Variants in ZAP70 observed in about 807,000 individuals in gnomAD.
ZAP70 encodes zeta chain of T cell receptor associated protein kinase 70.
A neutral mutation model predicts 65.8 loss-of-function variants in ZAP70; 27 were observed. That is an observed-to-expected ratio of 0.41 (90% CI 0.30 to 0.57). ZAP70 has a LOEUF of 0.57. Ranked by LOEUF, ZAP70 falls within the 20% of genes least tolerant of loss-of-function variation. The pLI, the probability that ZAP70 is intolerant of heterozygous loss-of-function variation, is 0.28. For synonymous variants in ZAP70, 363 were observed against 360.8 expected, an observed-to-expected ratio of 1.01 and a Z score of -0.07; for missense variants, 696 against 870.5, an observed-to-expected ratio of 0.80 and a Z score of 2.52.
At chr2:97,722,911 G>C (rs1677216259) in intron 2 of ZAP70, among the ~76,000 whole-genome samples, 1 of 152,146 alleles carries the variant, frequency 6.6e-6, no homozygotes, top group Admixed American at 6.5e-5. Flanking sequence ...CGTTACCTAG[G>C]GTTCAATATT....
At chr2:97,742,671 T>C (rs1180261804), downstream of ZAP70, among the ~76,000 whole-genome samples, 1 of 152,250 alleles carries the variant, frequency 6.6e-6, no homozygotes, top group African/African-American at 2.4e-5. Flanking sequence ...TAGAGGGCTG[T>C]GAAGCCCCAG....
At chr2:97,728,902 A>G (rs190572752) in intron 4 of ZAP70, among the ~76,000 whole-genome samples, 50 of 152,264 alleles carry the variant, frequency 3.3e-4, no homozygotes, top group African/African-American at 1.0e-3. Flanking sequence ...ATAGGCGTGC[A>G]CCACCACGCT....
chr2:97,713,666 G>A lies in ZAP70; in HGVS notation c.-109G>A, dbSNP rs758723282. ...CCGTGGGCCTCAGAGCTGCTGCTGGGGCATTCAGGTAAGCGGCTGTCCTCG... is the reference window on the plus strand; with the variant it reads ...CCGTGGGCCTCAGAGCTGCTGCTGGAGCATTCAGGTAAGCGGCTGTCCTCG... On this transcript the variant is annotated 5_prime_UTR_variant, in exon 1 of 14. Coordinates refer to ENST00000264972, the MANE Select transcript of ZAP70 (RefSeq NM_001079.4). 6.6e-6 allele frequency: 1 copy of A among 152,380 alleles called. No individual in the cohort carries two copies. The highest frequency in any genetic ancestry group is 2.4e-5 in the African/African-American group (1 of 41,464). 9.4% of individuals were successfully genotyped at this position (152,380 alleles called of 1,614,324 possible). A position where few individuals can be genotyped will look rare whatever the true frequency, so the allele number is the denominator to read the frequency against.
chr2:97,714,910 G>A (rs1158234919), intron 2 of ZAP70, among the ~76,000 whole-genome samples: 1 of 152,124 alleles, frequency 6.6e-6, no homozygotes, highest in Non-Finnish European at 1.5e-5. Flanking sequence ...GAGCCTGGGG[G>A]CCTGGCTTCA....
intron 4 of ZAP70, among the ~76,000 whole-genome samples, chr2:97,725,849 A>C (rs1307692649): frequency 6.6e-6 from 1 of 152,182 alleles, no homozygotes; most frequent in African/African-American, 2.4e-5. Flanking sequence ...TGGAAAATGC[A>C]ATGGCAAGTG....
intron 2 of ZAP70, 43 bp from the exon 3 acceptor site, chr2:97,723,973 C>A: frequency 6.5e-7 from 1 of 1,531,602 alleles, no homozygotes; most frequent in African/African-American, 1.4e-5. Flanking sequence ...GCACCAGGTT[C>A]AGGAAGGCCC....
intron 13 of ZAP70, 175 bp downstream of exon 13, chr2:97,738,282 G>A: frequency 1.5e-6 from 1 of 689,492 alleles, no homozygotes; most frequent in Non-Finnish European, 2.5e-6. Flanking sequence ...ACACACCAGG[G>A]TTTGCTGTCC....
Position 97,725,158 on chromosome 2 carries a change from G to T in ZAP70, c.469G>T (p.Ala157Ser). 1 of 1,614,192 alleles carries T rather than the reference G, an allele frequency of 6.2e-7. No homozygotes were observed. Among genetic ancestry groups the T allele is most frequent in the Non-Finnish European group, 8.5e-7 (1 of 1,180,034 alleles). ...GGTGGAGAAGCTCATTGCTACGACG[G>T]CCCACGAGCGGATGCCCTGGTACCA... Reference protein sequence around the residue: ...PQVEKLIATTAHERMPWYHSS... With the variant: ...PQVEKLIATTSHERMPWYHSS... The change falls in exon 4 of 14, where the codon GCC becomes TCC. Residue 157 changes from alanine to serine, a missense_variant. Ala to Ser is a moderately conservative substitution (Grantham distance 99). This residue lies in a region of ZAP70 where 551 missense variants were observed against 630.0 expected (regional missense o/e 0.87). Coordinates refer to ENST00000264972, the MANE Select transcript of ZAP70 (RefSeq NM_001079.4).
At chr2:97,717,352 C>T (rs112641151) in intron 2 of ZAP70, among the ~76,000 whole-genome samples, 76 of 137,930 alleles carry the variant, frequency 5.5e-4, no homozygotes, top group African/African-American at 1.9e-3. Flanking sequence ...GGGGGACATG[C>T]GGAGCCTCTG....
chr2:97,754,264 G>A, the ZAP70 span, among the ~76,000 whole-genome samples: 13 of 152,198 alleles, frequency 8.5e-5, no homozygotes, highest in South Asian at 2.1e-4. Flanking sequence ...GCCTGCTGGC[G>A]AGGCTCATGG....
the ZAP70 span, among the ~76,000 whole-genome samples, chr2:97,750,789 T>A: frequency 1.3e-5 from 2 of 152,228 alleles, no homozygotes; most frequent in African/African-American, 2.4e-5. Context: ...GACCTGTCCC[T>A]TTGCTGGCTA....
intron 2 of ZAP70, among the ~76,000 whole-genome samples, chr2:97,714,582 C>T (rs539266312): frequency 3.3e-5 from 5 of 152,210 alleles, no homozygotes; most frequent in Admixed American, 2.0e-4. Context: ...ACCTGGCAGG[C>T]GCCTGGTTCC....
the ZAP70 span, among the ~76,000 whole-genome samples, chr2:97,754,895 G>A: frequency 1.3e-5 from 2 of 152,214 alleles, no homozygotes; most frequent in African/African-American, 2.4e-5. Context: ...CATAGCTCTG[G>A]TTGCACAGGA....
the ZAP70 span, among the ~76,000 whole-genome samples, chr2:97,746,926 ATTTC>A: frequency 1.3e-5 from 2 of 152,234 alleles, no homozygotes; most frequent in African/African-American, 4.8e-5. Flanking sequence ...TTGAACAAAC[ATTTC>A]TTTAAGACAT....
chr2:97,734,363 G>A, intron 8 of ZAP70, 157 bp from the exon 9 acceptor site: 2 of 1,439,332 alleles, frequency 1.4e-6, no homozygotes, highest in African/African-American at 1.4e-5. Context: ...GCCAGTGTGT[G>A]CGTGTGGATG....
At chr2:97,718,197 G>A (rs1434255284) in intron 2 of ZAP70, among the ~76,000 whole-genome samples, 1 of 152,170 alleles carries the variant, frequency 6.6e-6, no homozygotes, top group Non-Finnish European at 1.5e-5. Flanking sequence ...CATGGTGGGT[G>A]TGTCTTCTGG....
chr2:97,748,848 T>G, the ZAP70 span, among the ~76,000 whole-genome samples: 4 of 152,074 alleles, frequency 2.6e-5, no homozygotes, highest in East Asian at 5.8e-4. Context: ...CCCATAACAT[T>G]GCTCCTGAAA....
rs956203957 is a variant in ZAP70, at chr2:97,715,979, G to T, written c.-22+1985G>T. 5.3e-5 allele frequency among the ~76,000 whole-genome samples: 8 copies of T among 152,202 alleles called. No individual in the cohort carries two copies. Among genetic ancestry groups the T allele is most frequent in the Middle Eastern group, 3.2e-3 (1 of 316 alleles). On this transcript the variant is annotated intron_variant, in intron 2 of 13. Coordinates refer to ENST00000264972, the MANE Select transcript of ZAP70 (RefSeq NM_001079.4). This position sits in a 1 kb window ranked among gnomAD's most constrained non-coding sequence, Gnocchi z 4.1. ...GCTCAGCCTGGTGAGGGACTGAGGA[G>T]CAGAGACAGAGGCCATCAGGGCTGT...
At chr2:97,741,395 C>T (rs533025778), downstream of ZAP70, among the ~76,000 whole-genome samples, 200 of 152,296 alleles carry the variant, frequency 1.3e-3, no homozygotes, top group African/African-American at 4.5e-3. Context: ...AAGCTCTCCC[C>T]GTCCCCACCG....
Sources: allele counts gnomAD v4.1 joint callset (sites outside exome capture counted in the v4.1 genomes callset), GRCh38; gene constraint gnomAD v4.1.1; regional missense constraint gnomAD v4.1.1; non-coding constraint Gnocchi (gnomAD v3.1); transcripts MANE v1.5; gene names NCBI Gene and HGNC (gene_info 2026-07-23, HGNC 2026-07-21).